The following CYREN variants were observed in gnomAD, a reference collection of about 807,000 sequenced individuals.
CYREN encodes the protein cell cycle regulator of non-homologous end joining.
Under a neutral mutation model 9.7 loss-of-function variants are expected in CYREN, and 7 were observed. That is an observed-to-expected ratio of 0.72 (90% confidence interval 0.41 to 1.36). The LOEUF (loss-of-function observed/expected upper bound fraction) is 1.36. CYREN is among the 40% of genes most tolerant of loss of function. The pLI, the probability that CYREN is intolerant of heterozygous loss-of-function variation, is 0.01. For synonymous variants in CYREN, 76 were observed against 77.9 expected (o/e 0.98, Z 0.13); for missense variants, 215 against 198.1 (o/e 1.09, Z -0.51).
intron 2 of CYREN, among the ~76,000 whole-genome samples, chr7:135,097,928 A>C (rs964001351): frequency 6.6e-6 from 1 of 152,188 alleles, no homozygotes; most frequent in Non-Finnish European, 1.5e-5. Context: ...GCTCAGTTTA[A>C]GTTCAGATTA....
intron 2 of CYREN, among the ~76,000 whole-genome samples, chr7:135,122,383 A>T (rs1827258154): frequency 6.6e-6 from 1 of 152,158 alleles, no homozygotes; most frequent in South Asian, 2.1e-4. Flanking sequence ...CAGAACCCAG[A>T]TCTCCCTGGG....
chr7:135,098,112 G>A (rs79771635), intron 2 of CYREN, among the ~76,000 whole-genome samples: 1 of 152,216 alleles, frequency 6.6e-6, no homozygotes, highest in East Asian at 1.9e-4. Context: ...ACCAAAATAG[G>A]TCTACAGATA....
At chr7:135,170,998 C>G (rs537949630), upstream of CYREN, among the ~76,000 whole-genome samples, 98 of 152,340 alleles carry the variant, frequency 6.4e-4, no homozygotes, top group African/African-American at 2.2e-3. Context: ...CGGAAGGGAA[C>G]GGGCATGTTT....
At chr7:135,137,310 A>G (rs983240332) in intron 2 of CYREN, among the ~76,000 whole-genome samples, 2 of 152,112 alleles carry the variant, frequency 1.3e-5, no homozygotes, top group African/African-American at 4.8e-5. Flanking sequence ...GGAAAGAGTC[A>G]GTATGCTTAA....
At position 135,166,515 on chromosome 7, in the gene CYREN, G is replaced by C. The variant is rs1218888966; in HGVS notation, c.*96C>G. On this transcript the variant is annotated 3_prime_UTR_variant, in exon 4 of 4. Coordinates refer to ENST00000393114, the MANE Select transcript of CYREN (RefSeq NM_024033.4). The stretch of plus-strand genomic sequence containing the variant: ...AGGCACAAAGGTAGGAGCACAGAGA[G>C]CCCCATTCCCACAGGCGGGCGGCCC... 6 of 1,502,732 alleles carry C rather than the reference G, an allele frequency of 4.0e-6. No individual in the cohort carries two copies. The highest frequency in any genetic ancestry group is 5.3e-6 in the Non-Finnish European group (6 of 1,132,002). 93.1% of individuals were successfully genotyped at this position (1,502,732 alleles called of 1,614,324 possible).
chr7:135,166,345 A>G lies in CYREN; in HGVS notation c.*266T>C, dbSNP rs1425516698. 8.2e-6 allele frequency: 3 copies of G among 368,078 alleles called. No homozygotes were observed. Among genetic ancestry groups the G allele is most frequent in the Non-Finnish European group, 1.5e-5 (3 of 206,244 alleles). 22.8% of individuals were successfully genotyped at this position (368,078 alleles called of 1,614,324 possible). A position where few individuals can be genotyped will look rare whatever the true frequency, so the allele number is the denominator to read the frequency against. ...AGACAATTGGGACTCCAGAGCCTCA[A>G]GAGCCAGGAGAGGGCACAGTACATA... is the stretch of plus-strand genomic sequence containing the variant. On this transcript the variant is annotated 3_prime_UTR_variant, in exon 4 of 4. Coordinates refer to ENST00000393114, the MANE Select transcript of CYREN (RefSeq NM_024033.4).
intron 2 of CYREN, among the ~76,000 whole-genome samples, chr7:135,119,392 GC>G (rs68086601): frequency 1 from 151,839 of 151,842 alleles, 75,918 homozygotes; most frequent in Middle Eastern, 1. Flanking sequence ...ACCATGCCTG[GC>G]CCAATTTTTG....
At chr7:135,096,584 CATAGATAGATAG>C (rs71172496) in intron 2 of CYREN, among the ~76,000 whole-genome samples, 8 of 88,816 alleles carry the variant, frequency 9.0e-5, no homozygotes, top group African/African-American at 2.4e-4. Flanking sequence ...TAGATAGATA[CATAGATAGATAG>C]ATAGATAGAT....
At chr7:135,150,694 T>C (rs1404767841) in intron 2 of CYREN, among the ~76,000 whole-genome samples, 5 of 152,148 alleles carry the variant, frequency 3.3e-5, no homozygotes, top group African/African-American at 1.2e-4. Context: ...GCCCACAAAC[T>C]GGACCGTGGA....
chr7:135,111,228 A>G (rs912191425), intron 2 of CYREN, among the ~76,000 whole-genome samples: 3 of 152,182 alleles, frequency 2.0e-5, no homozygotes, highest in African/African-American at 7.2e-5. Context: ...AGTGCTCTAG[A>G]TCCCATGTCC....
chr7:135,131,719 A>C (rs1828805460), intron 2 of CYREN, among the ~76,000 whole-genome samples: 1 of 152,080 alleles, frequency 6.6e-6, no homozygotes, highest in Non-Finnish European at 1.5e-5. Flanking sequence ...AATTAATAAA[A>C]TTAAAAACAG....
rs777369874 is a variant in CYREN at position 135,166,890 on chromosome 7, C to T, written c.214-19G>A. The T allele has an allele frequency of 1.2e-5, 20 of 1,607,828 alleles. No individual in the cohort carries two copies. Among genetic ancestry groups the T allele is most frequent in the Middle Eastern group, 1.7e-4 (1 of 5,916 alleles). On this transcript the variant is annotated intron_variant, in intron 3 of 3. Transcript: ENST00000393114. Reference sequence around the variant, plus strand: ...TGCGGCTCTGTGGAGTACGGGAAAACGCAGGCTCAACATACGTGTTTTATT... The same window carrying T: ...TGCGGCTCTGTGGAGTACGGGAAAATGCAGGCTCAACATACGTGTTTTATT...
At chr7:135,126,399 A>C (rs1212459102) in intron 2 of CYREN, among the ~76,000 whole-genome samples, 2 of 152,238 alleles carry the variant, frequency 1.3e-5, no homozygotes, top group Admixed American at 6.5e-5. Context: ...GGATACAAAC[A>C]AGCGGAAAAA....
At chr7:135,155,079 T>A (rs1350865237) in intron 2 of CYREN, among the ~76,000 whole-genome samples, 2 of 152,238 alleles carry the variant, frequency 1.3e-5, no homozygotes, top group African/African-American at 2.4e-5. Flanking sequence ...CCTACATCAT[T>A]ATACAATGAC....
chr7:135,133,461 A>G (rs1829072113), intron 2 of CYREN, among the ~76,000 whole-genome samples: 1 of 152,238 alleles, frequency 6.6e-6, no homozygotes, highest in Non-Finnish European at 1.5e-5. Flanking sequence ...GCATTAAAAT[A>G]GCAAAAACAA....
intron 2 of CYREN, among the ~76,000 whole-genome samples, chr7:135,140,303 T>C (rs1055342897): frequency 2.0e-5 from 3 of 152,132 alleles, no homozygotes; most frequent in African/African-American, 7.2e-5. Context: ...TATTCGTAGG[T>C]ATTTTTATCT....
At chr7:135,147,174 TAAG>T (rs2117411267) in intron 2 of CYREN, among the ~76,000 whole-genome samples, 1 of 152,352 alleles carries the variant, frequency 6.6e-6, no homozygotes, top group African/African-American at 2.4e-5. Context: ...ATTTTACAGA[TAAG>T]AAATTGATGC....
At chr7:135,113,617 C>G (rs192883530) in intron 2 of CYREN, among the ~76,000 whole-genome samples, 1 of 152,270 alleles carries the variant, frequency 6.6e-6, no homozygotes, top group Admixed American at 6.5e-5. Context: ...TTCCTTCAGG[C>G]TTTACTCAGG....
intron 2 of CYREN, among the ~76,000 whole-genome samples, chr7:135,119,365 G>T (rs1272419628): frequency 7.0e-6 from 1 of 142,336 alleles, no homozygotes; most frequent in African/African-American, 2.6e-5. Flanking sequence ...GAGTAGCTGG[G>T]GTTATAGGCA....
Sources: gnomAD v4.1 joint callset for allele counts (sites outside exome capture counted in the v4.1 genomes callset) on GRCh38, gnomAD v4.1.1 for gene constraint, MANE v1.5 for transcripts, NCBI Gene and HGNC (gene_info 2026-07-23, HGNC 2026-07-21) for gene names.